Variants in SLC17A6 observed in about 807,000 individuals in gnomAD.
The protein encoded by SLC17A6 is solute carrier family 17 member 6.
SLC17A6 carries 35 observed loss-of-function variants against 67.1 expected under a neutral mutation model. The observed-to-expected ratio is 0.52, with a 90% CI of 0.40 to 0.69. The LOEUF is 0.69. Ranked by LOEUF, SLC17A6 falls within the 30% of genes least tolerant of loss-of-function variation. The probability of loss-of-function intolerance (pLI) is 0.00; values close to 1 mark genes in which losing one functional copy is unlikely to be tolerated. For missense variants in SLC17A6, 588 were observed against 723.9 expected (o/e 0.81, Z 2.15); for synonymous variants, 285 against 252.3 (o/e 1.13, Z -1.23).
intron 3 of SLC17A6, among the ~76,000 whole-genome samples, chr11:22,347,916 T>C (rs1322627998): frequency 6.6e-6 from 1 of 152,206 alleles, no homozygotes; most frequent in African/African-American, 2.4e-5. Context: ...TTTTCAAGTA[T>C]TTCTTGAATT....
In SLC17A6 at chr11:22,343,515, G is replaced by A. The variant is rs1438277372; in HGVS notation, c.458+150G>A. ...CCCTTGACACACCCTCTCAGGGCTG[G>A]AGCTGCTGGTGACTCCTTCCTGAAT... On this transcript the variant is annotated intron_variant, in intron 3 of 11. Coordinates refer to ENST00000263160, the MANE Select transcript of SLC17A6 (RefSeq NM_020346.3). The A allele has an allele frequency of 1.1e-5, 7 of 617,108 alleles. No homozygotes were observed. The East Asian group carries it at 2.1e-4, about 18-fold the overall frequency. The allele number at this position is 617,108 out of a possible 1,614,324, so 38.2% of individuals were successfully genotyped here.
intron 3 of SLC17A6, among the ~76,000 whole-genome samples, chr11:22,347,760 A>G (rs905793617): frequency 5.3e-5 from 8 of 152,208 alleles, no homozygotes; most frequent in East Asian, 1.9e-4. Flanking sequence ...AGCCAAGTGT[A>G]TAGAGTGCTA....
intron 6 of SLC17A6, among the ~76,000 whole-genome samples, chr11:22,365,228 G>A (rs1366136724): frequency 1.3e-5 from 2 of 152,122 alleles, no homozygotes; most frequent in East Asian, 3.9e-4. Context: ...CTTAACCAGA[G>A]TGCCTAGAAT....
intron 10 of SLC17A6, among the ~76,000 whole-genome samples, 197 bp downstream of exon 10, chr11:22,376,289 C>T (rs1856232187): frequency 6.6e-6 from 1 of 152,004 alleles, no homozygotes; most frequent in Non-Finnish European, 1.5e-5. Context: ...TCAATTTCCT[C>T]CTGGACTGCC....
chr11:22,338,814 T>TGTGTGTGTGA (rs1373173069), intron 1 of SLC17A6, among the ~76,000 whole-genome samples, 195 bp downstream of exon 1: 1 of 58,862 alleles, frequency 1.7e-5, no homozygotes, highest in Non-Finnish European at 3.8e-5. Context: ...ACCTGTCTGG[T>TGTGTGTGTGA]GTGTGTGTGT....
At position 22,376,395 on chromosome 11, in the gene SLC17A6, C is replaced by T. The variant is rs1856233261; in HGVS notation, c.1286-150C>T. On this transcript the variant is annotated intron_variant, in intron 10 of 11. Transcript: ENST00000263160. Reference sequence around the variant, plus strand: ...AAGAATTCATACCTCATTCTATTCTCATTATATCCCCGAGAGAAATTATCA... The same window carrying T: ...AAGAATTCATACCTCATTCTATTCTTATTATATCCCCGAGAGAAATTATCA... The T allele has an allele frequency of 7.3e-6, 6 of 819,182 alleles. No individual in the cohort carries two copies. In the South Asian group the frequency reaches 9.1e-5, roughly 12 times the overall value. 50.7% of individuals were successfully genotyped at this position (819,182 alleles called of 1,614,324 possible). A position where few individuals can be genotyped will look rare whatever the true frequency, so the allele number is the denominator to read the frequency against.
intron 8 of SLC17A6, among the ~76,000 whole-genome samples, chr11:22,370,465 G>A (rs1161670257): frequency 6.6e-6 from 1 of 152,076 alleles, no homozygotes; most frequent in East Asian, 1.9e-4. Flanking sequence ...GAGCAGCGGT[G>A]TAATCTTTTC....
At chr11:22,342,088 G>T (rs903085703) in intron 2 of SLC17A6, among the ~76,000 whole-genome samples, 2 of 152,236 alleles carry the variant, frequency 1.3e-5, no homozygotes, top group Non-Finnish European at 2.9e-5. Flanking sequence ...CTAAATAGAA[G>T]TGTGTTTGTT....
chr11:22,370,374 TA>T, intron 8 of SLC17A6, among the ~76,000 whole-genome samples, 186 bp downstream of exon 8: 1 of 152,276 alleles, frequency 6.6e-6, no homozygotes, highest in East Asian at 1.9e-4. Flanking sequence ...TGTTGTCTGC[TA>T]GAATTGCTCT....
Position 22,343,243 on chromosome 11 carries a change from A to G in SLC17A6, c.340-4A>G, listed in dbSNP as rs1332689157. 11 of 1,613,196 alleles carry G rather than the reference A, an allele frequency of 6.8e-6. No individual in the cohort carries two copies. The highest frequency in any genetic ancestry group is 1.7e-5 in the Admixed American group (1 of 59,950). On this transcript the variant is annotated splice_polypyrimidine_tract_variant and splice_region_variant and intron_variant, in intron 2 of 11. Transcript: ENST00000263160. ...CTTCACACTTTTTTCCTACCCCTCC[A>G]TAGAAAGCCAAATTCAACTGGGACC...
At chr11:22,347,171 C>A (rs529336467) in intron 3 of SLC17A6, among the ~76,000 whole-genome samples, 1 of 151,196 alleles carries the variant, frequency 6.6e-6, no homozygotes, top group African/African-American at 2.4e-5. Context: ...ACTAGTATCT[C>A]AGAGAGTACC....
chr11:22,361,159 A>C (rs773100769), intron 5 of SLC17A6, 175 bp downstream of exon 5: 3 of 521,754 alleles, frequency 5.7e-6, no homozygotes, highest in Non-Finnish European at 1.0e-5. Flanking sequence ...GTTTTGCTTA[A>C]ATCTTCTATT....
At chr11:22,338,851 GTT>G (rs1855767727) in intron 1 of SLC17A6, among the ~76,000 whole-genome samples, 1 of 143,366 alleles carries the variant, frequency 7.0e-6, no homozygotes, top group Non-Finnish European at 1.5e-5. Context: ...GTGTGTGTGT[GTT>G]TGATTTTTGC....
At chr11:22,344,097 G>A (rs528359706) in intron 3 of SLC17A6, among the ~76,000 whole-genome samples, 1 of 152,286 alleles carries the variant, frequency 6.6e-6, no homozygotes, top group Admixed American at 6.5e-5. Flanking sequence ...CCACCAGAAG[G>A]TGAGGGGCAG....
chr11:22,345,964 A>T (rs1855871199), intron 3 of SLC17A6, among the ~76,000 whole-genome samples: 1 of 152,340 alleles, frequency 6.6e-6, no homozygotes, highest in South Asian at 2.1e-4. Flanking sequence ...AGAGATTTTT[A>T]CAAGTTGTTT....
intron 1 of SLC17A6, among the ~76,000 whole-genome samples, chr11:22,339,151 A>ATATGTTTTATATATAT (rs57725309): frequency 1.0e-4 from 3 of 29,796 alleles, no homozygotes; most frequent in African/African-American, 3.6e-4. Flanking sequence ...TGTTATATAT[A>ATATGTTTTATATATAT]GTTATATATA....
At chr11:22,375,846 G>A (rs1176346242) in intron 9 of SLC17A6, 136 bp from the exon 10 acceptor site, 1 of 543,980 alleles carries the variant, frequency 1.8e-6, no homozygotes, top group African/African-American at 1.9e-5. Context: ...TGATTATTAT[G>A]ATTATTATTA....
chr11:22,375,902 T>C, intron 9 of SLC17A6, 80 bp from the exon 10 acceptor site: 2 of 851,294 alleles, frequency 2.3e-6, no homozygotes, highest in Non-Finnish European at 3.8e-6. Flanking sequence ...GGTCAATAAG[T>C]TGGAACATTT....
At position 22,378,008 on chromosome 11, in the gene SLC17A6, A is replaced by T. The variant is rs1856250864; in HGVS notation, c.*268A>T. 2.1e-6 allele frequency: 1 copy of T among 479,470 alleles called. No individual in the cohort carries two copies. Among genetic ancestry groups the T allele is most frequent in the Non-Finnish European group, 3.7e-6 (1 of 273,734 alleles). 29.7% of individuals were successfully genotyped at this position (479,470 alleles called of 1,614,324 possible). A position where few individuals can be genotyped will look rare whatever the true frequency, so the allele number is the denominator to read the frequency against. On this transcript the variant is annotated 3_prime_UTR_variant, in exon 12 of 12. Transcript: ENST00000263160. Reference sequence around the variant, plus strand: ...AAATTGTAGAAACAAGTAGTTACCCATTGGATTCATATGAGCTAAAACTCA... The same window carrying T: ...AAATTGTAGAAACAAGTAGTTACCCTTTGGATTCATATGAGCTAAAACTCA...
Sources: gnomAD v4.1 joint callset for allele counts (sites outside exome capture counted in the v4.1 genomes callset) on GRCh38, gnomAD v4.1.1 for gene constraint, MANE v1.5 for transcripts, NCBI Gene and HGNC (gene_info 2026-07-23, HGNC 2026-07-21) for gene names.